The following TMEM53 variants were observed in gnomAD, a reference collection of about 807,000 sequenced individuals.
TMEM53 encodes transmembrane protein 53.
Under a neutral mutation model 21.4 loss-of-function variants are expected in TMEM53, and 14 were observed. The ratio of observed to expected loss-of-function variants is 0.65; its 90% CI spans 0.43 to 1.02. The LOEUF (loss-of-function observed/expected upper bound fraction) is 1.02. Ranked by LOEUF, TMEM53 falls within the 50% of genes least tolerant of loss-of-function variation. The pLI is 0.00. For missense variants in TMEM53, 323 were observed against 383.6 expected, an observed-to-expected ratio of 0.84 and a Z score of 1.32; for synonymous variants, 148 against 157.4, an observed-to-expected ratio of 0.94 and a Z score of 0.45.
rs750722843 is a variant in TMEM53 at position 44,674,412 on chromosome 1, G to A, written c.-21C>T. 2.5e-6 allele frequency: 4 copies of A among 1,600,214 alleles called. No homozygotes were observed. The highest frequency in any genetic ancestry group is 3.4e-6 in the Non-Finnish European group (4 of 1,174,054). ...GCCATGGTGAAGGCGCCGGCCCAGA[G>A]CACGGGTCTCCAGCCGGAACTCCCG... On this transcript the variant is annotated 5_prime_UTR_variant, in exon 1 of 3. Transcript: ENST00000372237.
intron 1 of TMEM53, among the ~76,000 whole-genome samples, chr1:44,670,531 G>C (rs1391500399): frequency 1.3e-5 from 2 of 152,168 alleles, no homozygotes; most frequent in African/African-American, 4.8e-5. Flanking sequence ...TTCAGGTCCA[G>C]CTTGGGCTGC....
In TMEM53 at chr1:44,655,052, T is replaced by A; in HGVS notation, c.341A>T (p.Asn114Ile). ...KEPLLFHVFS[N>I]GGVMLYRYVL... is the part of the protein sequence containing the mutation. ...GTAGCGGTACAGCATGACGCCACCGTTGCTGAAGACATGGAAGAGCAGGGG... is the reference window on the plus strand; with the variant it reads ...GTAGCGGTACAGCATGACGCCACCGATGCTGAAGACATGGAAGAGCAGGGG... Residue 114 changes from asparagine (N) to isoleucine (I), a missense_variant, in exon 3 of 3, where the codon AAC (asparagine) becomes ATC (isoleucine). By Grantham distance (149) the Asn-to-Ile change is moderately radical (BLOSUM62 -3). Coordinates refer to ENST00000372237, the MANE Select transcript of TMEM53 (RefSeq NM_024587.4). This position sits in a 1 kb window ranked among gnomAD's most constrained non-coding sequence, Gnocchi z 4.4. 1.2e-6 allele frequency: 2 copies of A among 1,614,222 alleles called. No homozygotes were observed. The highest frequency in any genetic ancestry group is 1.7e-6 in the Non-Finnish European group (2 of 1,180,034).
At chr1:44,664,869 A>G (rs1644934098) in intron 1 of TMEM53, among the ~76,000 whole-genome samples, 3 of 152,146 alleles carry the variant, frequency 2.0e-5, no homozygotes. Flanking sequence ...CTTTCCCCCA[A>G]GAACACACAG....
At chr1:44,665,472 AC>A (rs1469331886) in intron 1 of TMEM53, among the ~76,000 whole-genome samples, 1 of 152,128 alleles carries the variant, frequency 6.6e-6, no homozygotes, top group Non-Finnish European at 1.5e-5. Context: ...CCCCGTCTCT[AC>A]TAAATACAAA....
intron 1 of TMEM53, chr1:44,673,874 C>T (rs1174336772): frequency 1.0e-6 from 1 of 985,300 alleles, no homozygotes; most frequent in East Asian, 1.1e-4. Flanking sequence ...AGAGGGACGG[C>T]TAAGGGTTCT....
chr1:44,658,911 C>A (rs1644874158), intron 2 of TMEM53, among the ~76,000 whole-genome samples: 1 of 152,114 alleles, frequency 6.6e-6, no homozygotes, highest in South Asian at 2.1e-4. Flanking sequence ...ACCCTGAGGA[C>A]CCCCTCCAAG....
chr1:44,658,863 T>C (rs2148530602), intron 2 of TMEM53, among the ~76,000 whole-genome samples: 1 of 152,266 alleles, frequency 6.6e-6, no homozygotes, highest in Non-Finnish European at 1.5e-5. Context: ...AAAGGGACTT[T>C]CTGATTCACG....
chr1:44,673,780 G>T, intron 1 of TMEM53: 2 of 912,112 alleles, frequency 2.2e-6, no homozygotes, highest in Non-Finnish European at 2.6e-6. Context: ...AGGTAATCCA[G>T]CTCCTAAAGG....
At chr1:44,672,308 GA>G (rs1184017607) in intron 1 of TMEM53, among the ~76,000 whole-genome samples, 1 of 152,250 alleles carries the variant, frequency 6.6e-6, no homozygotes, top group East Asian at 1.9e-4. Flanking sequence ...AACAGAGGAA[GA>G]GAGATTCCTT....
chr1:44,661,146 C>T (rs867962387), intron 1 of TMEM53, among the ~76,000 whole-genome samples: 1 of 152,150 alleles, frequency 6.6e-6, no homozygotes, highest in Non-Finnish European at 1.5e-5. Flanking sequence ...ACAACAAGAT[C>T]GAGCGACTCA....
At chr1:44,660,819 A>G (rs1315599975) in intron 1 of TMEM53, among the ~76,000 whole-genome samples, 3 of 151,924 alleles carry the variant, frequency 2.0e-5, no homozygotes, top group Non-Finnish European at 4.4e-5. Context: ...ACAAAAAAAA[A>G]AAAATTAGCC....
At chr1:44,671,669 C>T (rs558838306) in intron 1 of TMEM53, among the ~76,000 whole-genome samples, 10 of 152,352 alleles carry the variant, frequency 6.6e-5, no homozygotes, top group Admixed American at 1.3e-4. Context: ...TGGCTCACGC[C>T]TGTAATCCCA....
In TMEM53 at chr1:44,654,567, G is replaced by A. The variant is rs142087861; in HGVS notation, c.826C>T (p.Arg276Cys). Residue 276 changes from arginine to cysteine, a missense_variant, in exon 3 of 3, where the codon CGC becomes TGC. Arg to Cys is a radical substitution (Grantham distance 180). Around this residue, in one of 3 missense-constraint regions of TMEM53, gnomAD observed 269 missense variants for 334.5 expected, o/e 0.80. Transcript: ENST00000372237. The surrounding 1 kb of genome is among the most constrained non-coding windows in gnomAD (Gnocchi z 7.0). The part of the protein sequence containing the change: ...LCVDFMRNCV[R>C]C The stretch of plus-strand genomic sequence containing the variant: ...GAGATGGAGCAATGGCCTCAGCAGC[G>A]GACGCAGTTGCGCATGAAGTCGACA... 1.0e-4 allele frequency: 168 copies of A among 1,603,560 alleles called. 1 individual carries two copies. Among genetic ancestry groups the A allele is most frequent in the Middle Eastern group, 8.3e-4 (5 of 6,042 alleles).
intron 1 of TMEM53, among the ~76,000 whole-genome samples, chr1:44,667,366 G>A (rs1236885069): frequency 1.4e-5 from 2 of 146,950 alleles, no homozygotes; most frequent in Non-Finnish European, 1.5e-5. Context: ...GGAGTGTAAT[G>A]GTGCAATCTC....
intron 2 of TMEM53, among the ~76,000 whole-genome samples, chr1:44,659,267 C>G (rs967178659): frequency 1.3e-5 from 2 of 152,174 alleles, no homozygotes; most frequent in African/African-American, 4.8e-5. Context: ...GGCCTTTCTC[C>G]CAGGTGCCCC....
At chr1:44,665,912 T>C (rs901642763) in intron 1 of TMEM53, among the ~76,000 whole-genome samples, 3 of 151,826 alleles carry the variant, frequency 2.0e-5, no homozygotes, top group Non-Finnish European at 4.4e-5. Context: ...TCAAAGGACA[T>C]AATCCAAAAA....
intron 2 of TMEM53, among the ~76,000 whole-genome samples, 168 bp downstream of exon 2, chr1:44,660,006 G>T (rs898762287): frequency 6.6e-6 from 1 of 152,004 alleles, no homozygotes; most frequent in African/African-American, 2.4e-5. Flanking sequence ...TTACAGGCAC[G>T]TGCCACCAGG....
At position 44,654,620 on chromosome 1, in the gene TMEM53, T is replaced by A; in HGVS notation, c.773A>T (p.Asp258Val). ...GAGGCTTGTGTAGTAAGTAGGGTAGTCACGGAGGTGGCTGACGTGTGCAGA... is the reference window on the plus strand; with the variant it reads ...GAGGCTTGTGTAGTAAGTAGGGTAGACACGGAGGTGGCTGACGTGTGCAGA... ...VSSAHVSHLR[D>V]YPTYYTSLCV... is the part of the protein sequence containing the mutation. Residue 258 changes from aspartate to valine, a missense_variant, in exon 3 of 3, where the codon GAC becomes GTC. Physicochemically the swap from Asp to Val is radical, Grantham distance 152. Coordinates refer to ENST00000372237, the MANE Select transcript of TMEM53 (RefSeq NM_024587.4). This position sits in a 1 kb window ranked among gnomAD's most constrained non-coding sequence, Gnocchi z 7.0. 6.2e-7 allele frequency: 1 copy of A among 1,613,852 alleles called. No individual in the cohort carries two copies. The highest frequency in any genetic ancestry group is 8.5e-7 in the Non-Finnish European group (1 of 1,179,946).
At chr1:44,661,831 C>T (rs1167286028) in intron 1 of TMEM53, among the ~76,000 whole-genome samples, 1 of 152,228 alleles carries the variant, frequency 6.6e-6, no homozygotes, top group Non-Finnish European at 1.5e-5. Context: ...CAGCCGCCAC[C>T]ACCACCAGGG....
Sources: allele counts gnomAD v4.1 joint callset (sites outside exome capture counted in the v4.1 genomes callset), GRCh38; gene constraint gnomAD v4.1.1; regional missense constraint gnomAD v4.1.1; non-coding constraint Gnocchi (gnomAD v3.1); transcripts MANE v1.5; gene names NCBI Gene and HGNC (gene_info 2026-07-23, HGNC 2026-07-21).